The following DNAJC24 variants were observed in gnomAD, a reference collection of about 807,000 sequenced individuals.
The protein encoded by DNAJC24 is dnaJ homolog subfamily C member 24.
DNAJC24 carries 17 observed loss-of-function variants against 18.0 expected under a neutral mutation model. The ratio of observed to expected loss-of-function variants is 0.94; its 90% CI spans 0.65 to 1.42. DNAJC24 has a LOEUF of 1.42. DNAJC24 is among the 40% of genes most tolerant of loss of function. DNAJC24 has a pLI of 0.00. For missense variants in DNAJC24, 158 were observed against 175.6 expected, an observed-to-expected ratio of 0.90 and a Z score of 0.57; for synonymous variants, 55 against 57.7, an observed-to-expected ratio of 0.95 and a Z score of 0.21.
chr11:31,418,095 A>G (rs1952767664), intron 3 of DNAJC24, among the ~76,000 whole-genome samples: 2 of 152,128 alleles, frequency 1.3e-5, no homozygotes, highest in African/African-American at 4.8e-5. Context: ...GAGATTATAC[A>G]TTTCGAAAGC....
In DNAJC24 at chr11:31,431,847, A is replaced by T. The variant is rs1005975631; in HGVS notation, c.*1446A>T. 1 of 152,068 alleles carries T rather than the reference A, an allele frequency of 6.6e-6. No homozygotes were observed. Among genetic ancestry groups the T allele is most frequent in the Non-Finnish European group, 1.5e-5 (1 of 68,016 alleles). 9.4% of individuals were successfully genotyped at this position (152,068 alleles called of 1,614,324 possible). ...TAAAATAAAATAAATAAAAAAAGAT[A>T]TAGTATTAATGCCTGTATTTATGAA... On this transcript the variant is annotated 3_prime_UTR_variant, in exon 5 of 5. Transcript: ENST00000465995.
At chr11:31,422,028 A>G (rs1357511839) in intron 3 of DNAJC24, 1 of 412,348 alleles carries the variant, frequency 2.4e-6, no homozygotes. Context: ...CACTGTTGAG[A>G]CAATGGAGCC....
chr11:31,404,239 C>T (rs994071777), intron 2 of DNAJC24, among the ~76,000 whole-genome samples: 20 of 152,150 alleles, frequency 1.3e-4, no homozygotes, highest in Admixed American at 1.3e-3. Context: ...AATGCCTTAA[C>T]CATCTGGGAA....
chr11:31,386,796 G>C lies in DNAJC24; in HGVS notation c.111+15937G>C, dbSNP rs548470057. Among the ~76,000 whole-genome samples, 6 of 152,298 alleles carry C rather than the reference G, an allele frequency of 3.9e-5. No homozygotes were observed. In the South Asian group the frequency reaches 1.2e-3, roughly 32 times the overall value. ...GGGTAGAGCACTAAGTGGGTTCCTG[G>C]CATCCCCAGCTCCAGACTGTGGCTC... On this transcript the variant is annotated intron_variant, in intron 2 of 4. Coordinates refer to ENST00000465995, the MANE Select transcript of DNAJC24 (RefSeq NM_181706.5).
At chr11:31,378,990 A>T (rs1461694984) in intron 2 of DNAJC24, among the ~76,000 whole-genome samples, 1 of 152,262 alleles carries the variant, frequency 6.6e-6, no homozygotes, top group Non-Finnish European at 1.5e-5. Flanking sequence ...GTGTCTTAAC[A>T]TACATAAACT....
intron 3 of DNAJC24, among the ~76,000 whole-genome samples, chr11:31,420,834 C>T (rs146787560): frequency 7.9e-5 from 12 of 152,172 alleles, no homozygotes; most frequent in East Asian, 5.8e-4. Context: ...CAGATAGTCA[C>T]GTACGAGGGA....
intron 2 of DNAJC24, among the ~76,000 whole-genome samples, chr11:31,371,911 C>A (rs1394475198): frequency 6.7e-6 from 1 of 150,192 alleles, no homozygotes; most frequent in Non-Finnish European, 1.5e-5. Context: ...GCAACCTCCG[C>A]CTCCCACTTT....
chr11:31,391,028 G>A lies in DNAJC24; in HGVS notation c.111+20169G>A, dbSNP rs1394750717. 4.6e-5 allele frequency among the ~76,000 whole-genome samples: 7 copies of A among 151,994 alleles called. No homozygotes were observed. In the East Asian group the frequency reaches 5.8e-4, roughly 13 times the overall value. On this transcript the variant is annotated intron_variant, in intron 2 of 4. Transcript: ENST00000465995. ...CGTGACCAAGTGGGATTTATCCCTC[G>A]GATGCAAGGATGGTTCAGCATACAT...
intron 2 of DNAJC24, among the ~76,000 whole-genome samples, chr11:31,382,039 A>G (rs1952382500): frequency 6.6e-6 from 1 of 152,202 alleles, no homozygotes; most frequent in Non-Finnish European, 1.5e-5. Context: ...TCATTCATCC[A>G]TTCACTCAGC....
Position 31,430,646 on chromosome 11 carries a change from T to A in DNAJC24, c.*245T>A. The stretch of plus-strand genomic sequence containing the variant: ...TGATTATATTTGGTGAATTCCCATC[T>A]GAGAACTTTATTATGTCATTTTTTT... On this transcript the variant is annotated 3_prime_UTR_variant, in exon 5 of 5. Coordinates refer to ENST00000465995, the MANE Select transcript of DNAJC24 (RefSeq NM_181706.5). 5.1e-6 allele frequency: 1 copy of A among 195,704 alleles called. No individual in the cohort carries two copies. The highest frequency in any genetic ancestry group is 1.0e-5 in the Non-Finnish European group (1 of 98,086). 12.1% of individuals were successfully genotyped at this position (195,704 alleles called of 1,614,324 possible). A position where few individuals can be genotyped will look rare whatever the true frequency, so the allele number is the denominator to read the frequency against.
At chr11:31,414,260 G>A (rs560077592) in intron 2 of DNAJC24, among the ~76,000 whole-genome samples, 1 of 152,256 alleles carries the variant, frequency 6.6e-6, no homozygotes. Context: ...TAATAAAAAT[G>A]TATGCTTGGG....
chr11:31,432,352 A>G lies in DNAJC24; in HGVS notation c.*1951A>G, dbSNP rs1952935320. 3 of 555,402 alleles carry G rather than the reference A, an allele frequency of 5.4e-6. No individual in the cohort carries two copies. In the South Asian group the frequency reaches 9.4e-5, roughly 17 times the overall value. 34.4% of individuals were successfully genotyped at this position (555,402 alleles called of 1,614,324 possible). A position where few individuals can be genotyped will look rare whatever the true frequency, so the allele number is the denominator to read the frequency against. ...ATTTTGAACTAACAGAACTTGGCAG[A>G]ATGTGTGTTGAATATTCTTTACATT... On this transcript the variant is annotated 3_prime_UTR_variant, in exon 5 of 5. Coordinates refer to ENST00000465995, the MANE Select transcript of DNAJC24 (RefSeq NM_181706.5).
At chr11:31,392,968 T>C (rs191714138) in intron 2 of DNAJC24, among the ~76,000 whole-genome samples, 1 of 152,300 alleles carries the variant, frequency 6.6e-6, no homozygotes, top group East Asian at 1.9e-4. Context: ...TCTTTCACAA[T>C]GTGAGGACAG....
At chr11:31,413,291 T>C (rs1416401492) in intron 2 of DNAJC24, among the ~76,000 whole-genome samples, 2 of 150,604 alleles carry the variant, frequency 1.3e-5, no homozygotes, top group East Asian at 3.9e-4. Flanking sequence ...AATTAAAATA[T>C]AAAACTGTCA....
chr11:31,371,755 C>T (rs1024468000), intron 2 of DNAJC24, among the ~76,000 whole-genome samples: 13 of 148,382 alleles, frequency 8.8e-5, no homozygotes, highest in African/African-American at 2.7e-4. Context: ...TTTATACTTA[C>T]ATTATATTTC....
At chr11:31,388,899 AT>A (rs200985223) in intron 2 of DNAJC24, among the ~76,000 whole-genome samples, 2,806 of 152,308 alleles carry the variant, frequency 0.018, 85 homozygotes, top group African/African-American at 0.064. Flanking sequence ...TTTATTAGTT[AT>A]CTCTTTGCTT....
chr11:31,406,655 G>A (rs7941347), intron 2 of DNAJC24, among the ~76,000 whole-genome samples: 58,617 of 152,024 alleles, frequency 0.39, 11,706 homozygotes, highest in African/African-American at 0.46. Context: ...GCTGGGGAAT[G>A]ACATGGTCAG....
intron 2 of DNAJC24, among the ~76,000 whole-genome samples, chr11:31,381,212 G>A (rs866378119): frequency 6.6e-6 from 1 of 152,058 alleles, no homozygotes; most frequent in Non-Finnish European, 1.5e-5. Flanking sequence ...TTTAGCTCAC[G>A]AATCCCCTTT....
chr11:31,410,622 G>T lies in DNAJC24; in HGVS notation c.112-4189G>T, dbSNP rs1474470355. On this transcript the variant is annotated intron_variant, in intron 2 of 4. Transcript: ENST00000465995. ...CTGTGTGCCTACCCTAAGAGGCAAA[G>T]ATATTCTCTTGTTGCCTTTATGGAT... Among the ~76,000 whole-genome samples the T allele has an allele frequency of 2.0e-5, 3 of 152,328 alleles. No individual in the cohort carries two copies. In the East Asian group the frequency reaches 5.8e-4, roughly 29 times the overall value.
Sources: allele counts gnomAD v4.1 joint callset (sites outside exome capture counted in the v4.1 genomes callset), GRCh38; gene constraint gnomAD v4.1.1; transcripts MANE v1.5; gene names NCBI Gene and HGNC (gene_info 2026-07-23, HGNC 2026-07-21).